The following RAD51B variants were observed in gnomAD, a reference collection of about 807,000 sequenced individuals.
The protein encoded by RAD51B is DNA repair protein RAD51 homolog 2.
A neutral mutation model predicts 42.2 loss-of-function variants in RAD51B; 38 were observed. That is an observed-to-expected ratio of 0.90 (90% CI 0.70 to 1.18). The LOEUF is 1.18. Among genes scored for constraint, RAD51B ranks in the 50% most tolerant of loss-of-function variants. The pLI, the probability that RAD51B is intolerant of heterozygous loss-of-function variation, is 0.00. For synonymous variants in RAD51B, 154 were observed against 145.2 expected (o/e 1.06, Z -0.43); for missense variants, 373 against 400.7 (o/e 0.93, Z 0.59).
chr14:68,196,084 GT>G (rs2140914279), intron 7 of RAD51B, among the ~76,000 whole-genome samples: 1 of 143,988 alleles, frequency 6.9e-6, no homozygotes, highest in East Asian at 2.1e-4. Context: ...GGCGCCTGTA[GT>G]CCCAGCTACT....
chr14:67,907,671 C>T (rs927283036), intron 7 of RAD51B, among the ~76,000 whole-genome samples: 1 of 152,056 alleles, frequency 6.6e-6, no homozygotes, highest in African/African-American at 2.4e-5. Context: ...TTCTGCTGTA[C>T]TCTATTAGAC....
intron 10 of RAD51B, chr14:68,497,944 A>G (rs1422874423): frequency 5.4e-6 from 1 of 185,616 alleles, no homozygotes; most frequent in Non-Finnish European, 1.1e-5. Flanking sequence ...CCACCCTTCA[A>G]CTATTGTGAA....
rs12432917 is a variant in RAD51B at position 68,277,706 on chromosome 14, C to T, written c.757-14178C>T. Among the ~76,000 whole-genome samples the T allele has an allele frequency of 9.4e-3, 1,432 of 152,140 alleles. 44 individuals carry two copies. The highest frequency in any genetic ancestry group is 0.085 in the East Asian group (443 of 5,182). ...ATAGTATTTCAAAGGCTACATCTTG[C>T]CACAGGTGAGAATCAGAGGTATGTT... On this transcript the variant is annotated intron_variant, in intron 7 of 10. Transcript: ENST00000471583.
intron 11 of RAD51B, among the ~76,000 whole-genome samples, chr14:68,664,869 C>A (rs544409708): frequency 2.6e-5 from 4 of 152,122 alleles, no homozygotes; most frequent in Non-Finnish European, 4.4e-5. Context: ...AAATCCATGA[C>A]AAAAATGCCC....
chr14:68,002,190 G>T (rs1336385595), intron 7 of RAD51B, among the ~76,000 whole-genome samples: 4 of 151,996 alleles, frequency 2.6e-5, no homozygotes, highest in Non-Finnish European at 4.4e-5. Context: ...CTTTTTCTCT[G>T]CAACCTTGCC....
chr14:68,395,057 C>T (rs1279430259), intron 8 of RAD51B, among the ~76,000 whole-genome samples: 1 of 152,186 alleles, frequency 6.6e-6, no homozygotes, highest in Admixed American at 6.5e-5. Flanking sequence ...GCATCCCCCC[C>T]TTTCTTCAGG....
chr14:68,174,654 T>G (rs2078931253), intron 7 of RAD51B, among the ~76,000 whole-genome samples: 1 of 152,182 alleles, frequency 6.6e-6, no homozygotes, highest in Non-Finnish European at 1.5e-5. Context: ...GGGCACTGGA[T>G]TGGATCAACG....
chr14:68,493,186 C>T (rs1264598229), intron 10 of RAD51B, among the ~76,000 whole-genome samples: 1 of 152,142 alleles, frequency 6.6e-6, no homozygotes, highest in Non-Finnish European at 1.5e-5. Flanking sequence ...TCCCCCCGGC[C>T]GAATGACCCC....
At chr14:68,376,465 T>C (rs2083372038) in intron 8 of RAD51B, among the ~76,000 whole-genome samples, 2 of 152,236 alleles carry the variant, frequency 1.3e-5, no homozygotes, top group South Asian at 4.1e-4. Context: ...GAGAAAGTTA[T>C]CCAAGAATGA....
At chr14:68,225,025 C>T (rs990159027) in intron 7 of RAD51B, among the ~76,000 whole-genome samples, 1 of 151,748 alleles carries the variant, frequency 6.6e-6, no homozygotes, top group African/African-American at 2.4e-5. Flanking sequence ...CTCAACAATA[C>T]ATATTAAAAA....
intron 9 of RAD51B, among the ~76,000 whole-genome samples, chr14:68,465,940 C>CAAAAAAA (rs59348577): frequency 1.4e-4 from 18 of 129,310 alleles, no homozygotes; most frequent in Middle Eastern, 3.4e-3. Flanking sequence ...GACTCTGTCT[C>CAAAAAAA]AAAAAAAAAA....
intron 7 of RAD51B, among the ~76,000 whole-genome samples, chr14:68,091,466 T>C (rs2077098192): frequency 1.3e-5 from 2 of 152,242 alleles, no homozygotes; most frequent in Admixed American, 1.3e-4. Flanking sequence ...TGATGAGCAT[T>C]TTTTCATGTG....
At chr14:68,668,155 A>G (rs1431733538) in intron 11 of RAD51B, among the ~76,000 whole-genome samples, 1 of 152,172 alleles carries the variant, frequency 6.6e-6, no homozygotes, top group Non-Finnish European at 1.5e-5. Flanking sequence ...GTTACCTGCT[A>G]AAGGCTCCAT....
At position 68,462,464 on chromosome 14, in the gene RAD51B, A is replaced by G. The variant is rs1390921998; in HGVS notation, c.958-5708A>G. ...GATGGGTGGGTGGATGGCACAAATA[A>G]CGAAAATTGCTTCCAGATGGTAGTG... is the stretch of plus-strand genomic sequence containing the variant. On this transcript the variant is annotated intron_variant, in intron 9 of 10. Coordinates refer to ENST00000471583, the MANE Select transcript of RAD51B (RefSeq NM_133510.4). 2.6e-5 allele frequency among the ~76,000 whole-genome samples: 4 copies of G among 152,216 alleles called. No homozygotes were observed. The South Asian group carries it at 8.3e-4, about 31-fold the overall frequency.
In RAD51B at chr14:68,611,400, T is replaced by G. The variant is rs149829574; in HGVS notation, c.*153T>G. On this transcript the variant is annotated 3_prime_UTR_variant, in exon 11 of 11. Coordinates refer to the RAD51B transcript ENST00000487861. ...ACAATGTCTCCAGTGAAAAAGTTCT[T>G]CTTCTCTACATCTTCCTCCCACTCC... The G allele has an allele frequency of 6.0e-3, 3,722 of 618,204 alleles. 167 individuals carry two copies. In the Admixed American group the frequency reaches 0.071, roughly 12 times the overall value. 38.3% of individuals were successfully genotyped at this position (618,204 alleles called of 1,614,324 possible). A position where few individuals can be genotyped will look rare whatever the true frequency, so the allele number is the denominator to read the frequency against.
chr14:67,868,780 T>C (rs1566933015), intron 5 of RAD51B, among the ~76,000 whole-genome samples: 1 of 152,296 alleles, frequency 6.6e-6, no homozygotes, highest in Non-Finnish European at 1.5e-5. Context: ...CCCTGACCCC[T>C]GACCCCCGAG....
At chr14:68,299,522 T>C (rs1387347094) in intron 8 of RAD51B, among the ~76,000 whole-genome samples, 2 of 152,146 alleles carry the variant, frequency 1.3e-5, no homozygotes, top group African/African-American at 4.8e-5. Flanking sequence ...TGTGTGTAGG[T>C]TACATGCAAA....
chr14:67,865,137 A>G lies in RAD51B; in HGVS notation c.450A>G (p.Glu150=). The change falls in exon 5 of 11, where the codon GAA becomes GAG. Residue 150 remains glutamate, a splice_region_variant and synonymous_variant. Coordinates refer to ENST00000471583, the MANE Select transcript of RAD51B (RefSeq NM_133510.4). ...YIDTESAFSA[E]RLVEIAESRF... ...ACACAGAGTCTGCATTTAGTGCTGA[A>G]AGGTATGAGATTTTATTTTCTATTA... is the stretch of plus-strand genomic sequence containing the variant. 1 of 1,591,482 alleles carries G rather than the reference A, an allele frequency of 6.3e-7. No homozygotes were observed. Among genetic ancestry groups the G allele is most frequent in the Non-Finnish European group, 8.5e-7 (1 of 1,171,268 alleles).
chr14:68,277,622 A>G (rs1156951316), intron 7 of RAD51B, among the ~76,000 whole-genome samples: 1 of 152,200 alleles, frequency 6.6e-6, no homozygotes, highest in Non-Finnish European at 1.5e-5. Context: ...AAATGTGTAT[A>G]TTATATATAT....
Sources: allele counts gnomAD v4.1 joint callset (sites outside exome capture counted in the v4.1 genomes callset), GRCh38; gene constraint gnomAD v4.1.1; transcripts MANE v1.5; gene names NCBI Gene and HGNC (gene_info 2026-07-23, HGNC 2026-07-21).